LINGO2: variants seen among roughly 807,000 people sequenced by gnomAD.
LINGO2 encodes the protein leucine rich repeat and Ig domain containing 2, also known as leucine-rich repeat and immunoglobulin-like domain-containing nogo receptor-interacting protein 2.
LINGO2 carries 14 observed loss-of-function variants against 30.6 expected under a neutral mutation model. That is an observed-to-expected ratio of 0.46 (90% confidence interval 0.30 to 0.72). The LOEUF (loss-of-function observed/expected upper bound fraction) is 0.72, where lower values mean the gene tolerates loss of function less well. Among genes scored for constraint, LINGO2 ranks in the 30% least tolerant of loss-of-function variants. The probability of loss-of-function intolerance (pLI) is 0.07; values close to 1 mark genes in which losing one functional copy is unlikely to be tolerated. For missense variants in LINGO2, 729 were observed against 751.7 expected, an observed-to-expected ratio of 0.97 and a Z score of 0.35; for synonymous variants, 317 against 288.5, an observed-to-expected ratio of 1.10 and a Z score of -1.00.
intron 3 of LINGO2, among the ~76,000 whole-genome samples, chr9:28,310,484 T>C (rs953960372): frequency 6.6e-6 from 1 of 152,130 alleles, no homozygotes; most frequent in South Asian, 2.1e-4. Context: ...TCCATGTATA[T>C]AAAACAGTAG....
At chr9:28,366,645 G>A (rs7856324) in intron 3 of LINGO2, among the ~76,000 whole-genome samples, 17,596 of 149,842 alleles carry the variant, frequency 0.12, 1,170 homozygotes, top group East Asian at 0.16. Flanking sequence ...AAAAGCAAAA[G>A]AAAATACAAC....
chr9:28,517,380 G>A (rs1820661593), intron 1 of LINGO2, among the ~76,000 whole-genome samples: 1 of 152,154 alleles, frequency 6.6e-6, no homozygotes, highest in Non-Finnish European at 1.5e-5. Context: ...GCAAATGCTA[G>A]AGCACTAACC....
intron 4 of LINGO2, among the ~76,000 whole-genome samples, chr9:28,137,290 A>C (rs1332798836): frequency 6.6e-6 from 1 of 152,126 alleles, no homozygotes; most frequent in Non-Finnish European, 1.5e-5. Context: ...AAATGATTGT[A>C]TACAAGTTGA....
chr9:28,616,141 C>T lies in LINGO2; in HGVS notation c.-365+54059G>A, dbSNP rs1018724492. ...GTACATTAATGATTTGTGTACTTTT[C>T]CAGGTATATGCTATACCGTAATGAA... is the stretch of plus-strand genomic sequence containing the variant. On this transcript the variant is annotated intron_variant, in intron 1 of 5. Coordinates refer to ENST00000379992, the Ensembl canonical transcript of LINGO2. Among the ~76,000 whole-genome samples, 7 of 152,080 alleles carry T rather than the reference C, an allele frequency of 4.6e-5. No homozygotes were observed. In the South Asian group the frequency reaches 1.5e-3, roughly 32 times the overall value.
intron 3 of LINGO2, among the ~76,000 whole-genome samples, chr9:28,364,247 A>G (rs868023081): frequency 2.0e-5 from 3 of 152,322 alleles, no homozygotes; most frequent in Middle Eastern, 3.4e-3. Context: ...TGATTGATTG[A>G]CTAGAAATAA....
chr9:28,432,969 A>C (rs1409405859), intron 2 of LINGO2, among the ~76,000 whole-genome samples: 1 of 152,130 alleles, frequency 6.6e-6, no homozygotes, highest in Non-Finnish European at 1.5e-5. Flanking sequence ...TGAGGAGGAA[A>C]TGACAGTAGT....
At chr9:27,939,288 A>C in the LINGO2 span, 5 of 152,176 alleles carry the variant, frequency 3.3e-5, no homozygotes, top group African/African-American at 4.8e-5. Flanking sequence ...GCCAGGATAC[A>C]TTTTTCAGTT....
At chr9:28,849,716 G>A in the LINGO2 span, among the ~76,000 whole-genome samples, 1 of 151,802 alleles carries the variant, frequency 6.6e-6, no homozygotes, top group Non-Finnish European at 1.5e-5. Flanking sequence ...TTCATCCCAA[G>A]ACCAACTCTA....
At chr9:28,057,981 T>C (rs976557910) in intron 4 of LINGO2, among the ~76,000 whole-genome samples, 1 of 152,138 alleles carries the variant, frequency 6.6e-6, no homozygotes, top group Non-Finnish European at 1.5e-5. Flanking sequence ...TACTATTCTC[T>C]CCTATTAAAC....
chr9:28,507,769 A>G (rs989346988), intron 1 of LINGO2, among the ~76,000 whole-genome samples: 2 of 152,142 alleles, frequency 1.3e-5, no homozygotes, highest in African/African-American at 4.8e-5. Context: ...CATGTACTAC[A>G]TAATATGAGG....
intron 2 of LINGO2, among the ~76,000 whole-genome samples, chr9:28,397,691 G>A (rs370069204): frequency 6.6e-6 from 1 of 151,796 alleles, no homozygotes; most frequent in South Asian, 2.1e-4. Flanking sequence ...GGGACTACAG[G>A]TGCCCGCCAC....
intron 4 of LINGO2, among the ~76,000 whole-genome samples, chr9:28,085,734 C>G (rs1302885693): frequency 6.6e-6 from 1 of 152,016 alleles, no homozygotes; most frequent in Non-Finnish European, 1.5e-5. Flanking sequence ...ATCAAGATTG[C>G]AGGACCCATC....
At chr9:28,489,653 CT>C (rs1440102956) in intron 1 of LINGO2, among the ~76,000 whole-genome samples, 1 of 151,888 alleles carries the variant, frequency 6.6e-6, no homozygotes, top group Admixed American at 6.6e-5. Flanking sequence ...AATCCCAGCA[CT>C]TTGGGAGGCC....
the LINGO2 span, among the ~76,000 whole-genome samples, chr9:29,008,412 C>T: frequency 1.3e-5 from 2 of 152,116 alleles, no homozygotes; most frequent in East Asian, 1.9e-4. Flanking sequence ...TTTATAGCAG[C>T]ATGATTTATA....
At chr9:28,678,384 T>TG in the LINGO2 span, among the ~76,000 whole-genome samples, 1,733 of 152,258 alleles carry the variant, frequency 0.011, 10 homozygotes, top group Middle Eastern at 0.017. Flanking sequence ...TCAGCTTAAA[T>TG]GCCCCTTCCA....
At chr9:28,204,232 A>G (rs1820334739) in intron 4 of LINGO2, among the ~76,000 whole-genome samples, 2 of 152,178 alleles carry the variant, frequency 1.3e-5, no homozygotes, top group South Asian at 4.1e-4. Flanking sequence ...GTACATATAC[A>G]TACACACACG....
chr9:28,061,529 G>A (rs934761726), intron 4 of LINGO2, among the ~76,000 whole-genome samples: 4 of 151,614 alleles, frequency 2.6e-5, no homozygotes, highest in Non-Finnish European at 5.9e-5. Flanking sequence ...CCTTACACAT[G>A]ATTGTAAATG....
chr9:28,516,441 A>C (rs1266611831), intron 1 of LINGO2, among the ~76,000 whole-genome samples: 1 of 152,198 alleles, frequency 6.6e-6, no homozygotes, highest in Non-Finnish European at 1.5e-5. Context: ...TCTTTGGTGG[A>C]GATGGAGCCA....
At chr9:28,363,892 C>A (rs1168029912) in intron 3 of LINGO2, among the ~76,000 whole-genome samples, 1 of 150,130 alleles carries the variant, frequency 6.7e-6, no homozygotes, top group Non-Finnish European at 1.5e-5. Context: ...CCTTTGTCTC[C>A]AAACAGGAGG....
Sources: gnomAD v4.1 joint callset for allele counts (sites outside exome capture counted in the v4.1 genomes callset) on GRCh38, gnomAD v4.1.1 for gene constraint, MANE v1.5 for transcripts, NCBI Gene and HGNC (gene_info 2026-07-23, HGNC 2026-07-21) for gene names.